Variants in WDR7 observed in about 807,000 individuals in gnomAD.
The protein encoded by WDR7 is WD repeat domain 7, also known as WD repeat-containing protein 7.
Under a neutral mutation model 169.4 loss-of-function variants are expected in WDR7, and 46 were observed. The ratio of observed to expected loss-of-function variants is 0.27; its 90% CI spans 0.21 to 0.35. WDR7 has a LOEUF of 0.35. WDR7 is among the 10% of genes least tolerant of loss of function. The pLI, the probability that WDR7 is intolerant of heterozygous loss-of-function variation, is 1.00. For missense variants in WDR7, 1,534 were observed against 1,859.3 expected (o/e 0.83, Z 3.22); for synonymous variants, 612 against 666.8 (o/e 0.92, Z 1.27).
rs149462659 is a variant in WDR7 at position 56,882,948 on chromosome 18, C to T, written c.3526+2783C>T. On this transcript the variant is annotated intron_variant, in intron 21 of 27. Transcript: ENST00000254442. ...GTATATAAATGTAGGAACGGCTGGG[C>T]GCGGTGGCTCACACCTGTAATCCCA... Among the ~76,000 whole-genome samples the T allele has an allele frequency of 4.3e-4, 66 of 152,152 alleles. No individual in the cohort carries two copies. In the East Asian group the frequency reaches 4.8e-3, roughly 11 times the overall value.
At chr18:57,034,202 CA>C (rs889037453), downstream of WDR7, 44 of 146,602 alleles carry the variant, frequency 3.0e-4, 1 homozygote, top group South Asian at 7.9e-3. Context: ...GTCTCCGCCT[CA>C]AAAAAAAAAT....
intron 22 of WDR7, among the ~76,000 whole-genome samples, chr18:56,935,557 T>C (rs1257561054): frequency 6.6e-6 from 1 of 152,244 alleles, no homozygotes; most frequent in Non-Finnish European, 1.5e-5. Context: ...TTTAACACTT[T>C]GGACAGATGC....
intron 22 of WDR7, among the ~76,000 whole-genome samples, chr18:56,928,338 A>T (rs550355241): frequency 6.6e-5 from 10 of 152,052 alleles, no homozygotes; most frequent in Admixed American, 1.3e-4. Flanking sequence ...GGTGCCGTGT[A>T]CCTGTAGTCC....
At chr18:56,882,608 T>G (rs2046124687) in intron 21 of WDR7, among the ~76,000 whole-genome samples, 1 of 152,210 alleles carries the variant, frequency 6.6e-6, no homozygotes, top group Admixed American at 6.5e-5. Flanking sequence ...TCCTTTATTA[T>G]TTTCTTTGAA....
chr18:56,782,372 A>AT (rs1052714021), intron 19 of WDR7, among the ~76,000 whole-genome samples: 1 of 151,986 alleles, frequency 6.6e-6, no homozygotes, highest in African/African-American at 2.4e-5. Flanking sequence ...TTACTAAATA[A>AT]TTTTTTTAAG....
chr18:56,972,473 C>T (rs1599207856), intron 26 of WDR7, among the ~76,000 whole-genome samples: 1 of 152,130 alleles, frequency 6.6e-6, no homozygotes, highest in African/African-American at 2.4e-5. Context: ...AGTACTTAGA[C>T]AGTGACATTT....
intron 1 of WDR7, among the ~76,000 whole-genome samples, chr18:56,653,253 C>A (rs781655513): frequency 2.6e-5 from 4 of 151,952 alleles, no homozygotes; most frequent in Non-Finnish European, 5.9e-5. Flanking sequence ...ATTGCCCAGG[C>A]TGGAGTGCAG....
At chr18:56,949,921 A>G (rs984518349) in intron 25 of WDR7, among the ~76,000 whole-genome samples, 7 of 152,214 alleles carry the variant, frequency 4.6e-5, no homozygotes, top group African/African-American at 1.4e-4. Context: ...AGCCAGATAC[A>G]GGCTTCCAAA....
intron 26 of WDR7, among the ~76,000 whole-genome samples, chr18:57,004,022 T>C (rs1161488967): frequency 6.6e-6 from 1 of 152,062 alleles, no homozygotes; most frequent in African/African-American, 2.4e-5. Context: ...CATGTGTGTA[T>C]GTGTGTGTGC....
In WDR7 at chr18:56,718,173, T is replaced by G; in HGVS notation, c.1774+14T>G. ...AAATGGATACTGGTAAGAACAAGTA[T>G]GAAGAGATACTATAGAAAATTAAAT... On this transcript the variant is annotated intron_variant, in intron 13 of 27. Transcript: ENST00000254442. 6.5e-7 allele frequency: 1 copy of G among 1,542,012 alleles called. No individual in the cohort carries two copies. Among genetic ancestry groups the G allele is most frequent in the Non-Finnish European group, 8.7e-7 (1 of 1,144,046 alleles).
intron 13 of WDR7, among the ~76,000 whole-genome samples, chr18:56,729,497 A>C (rs1158167619): frequency 5.9e-5 from 9 of 152,012 alleles, no homozygotes; most frequent in African/African-American, 2.2e-4. Flanking sequence ...ACTCTTCTCT[A>C]ACTTGTTATT....
intron 1 of WDR7, among the ~76,000 whole-genome samples, chr18:56,667,718 C>A (rs2025053706): frequency 6.6e-6 from 1 of 152,108 alleles, no homozygotes; most frequent in African/African-American, 2.4e-5. Context: ...TTGTGTGAAA[C>A]TTGCATCAGA....
intron 20 of WDR7, among the ~76,000 whole-genome samples, chr18:56,831,492 G>A (rs2045307881): frequency 6.6e-6 from 1 of 152,172 alleles, no homozygotes; most frequent in Non-Finnish European, 1.5e-5. Context: ...CCGAACAAAG[G>A]TAGCGCAAGT....
intron 26 of WDR7, among the ~76,000 whole-genome samples, chr18:57,015,705 ATG>A (rs1935862323): frequency 6.6e-6 from 1 of 152,218 alleles, no homozygotes; most frequent in Non-Finnish European, 1.5e-5. Flanking sequence ...TGCTGTTAAC[ATG>A]AGAGAGATGC....
intron 19 of WDR7, among the ~76,000 whole-genome samples, chr18:56,785,155 A>G (rs933027579): frequency 2.0e-5 from 3 of 152,204 alleles, no homozygotes; most frequent in African/African-American, 7.2e-5. Context: ...GAATGACCAC[A>G]TAGGGCTGTT....
chr18:56,723,239 C>G (rs545882937), intron 13 of WDR7, among the ~76,000 whole-genome samples: 1 of 150,642 alleles, frequency 6.6e-6, no homozygotes, highest in Admixed American at 6.6e-5. Flanking sequence ...ACAAAAGTAT[C>G]TATGATATTT....
intron 13 of WDR7, among the ~76,000 whole-genome samples, chr18:56,729,570 A>G (rs1375376227): frequency 6.6e-6 from 1 of 152,024 alleles, no homozygotes; most frequent in African/African-American, 2.4e-5. Context: ...GCATGCTTTT[A>G]AACATTGTTT....
At chr18:56,873,950 G>T (rs1466464916) in intron 20 of WDR7, 3 of 152,212 alleles carry the variant, frequency 2.0e-5, no homozygotes, top group Admixed American at 2.0e-4. Flanking sequence ...ATTCCCTTCT[G>T]CAGAGGTCAG....
At chr18:56,728,721 G>A (rs2026517076) in intron 13 of WDR7, among the ~76,000 whole-genome samples, 1 of 152,004 alleles carries the variant, frequency 6.6e-6, no homozygotes, top group Admixed American at 6.5e-5. Flanking sequence ...TGATTTCTTA[G>A]ACCCACCTTT....
Sources: gnomAD v4.1 joint callset for allele counts (sites outside exome capture counted in the v4.1 genomes callset) on GRCh38, gnomAD v4.1.1 for gene constraint, MANE v1.5 for transcripts, NCBI Gene and HGNC (gene_info 2026-07-23, HGNC 2026-07-21) for gene names.